Variants in EMB observed in about 807,000 individuals in gnomAD.
EMB encodes the protein embigin homolog.
In EMB, 31 loss-of-function variants were observed where a neutral mutation model predicts 41.4. The observed-to-expected ratio is 0.75, with a 90% CI of 0.56 to 1.01. EMB has a LOEUF of 1.01. EMB is among the 50% of genes least tolerant of loss of function. The pLI, the probability that EMB is intolerant of heterozygous loss-of-function variation, is 0.00. For missense variants in EMB, 379 were observed against 388.3 expected, an observed-to-expected ratio of 0.98 and a Z score of 0.20; for synonymous variants, 137 against 140.4, an observed-to-expected ratio of 0.98 and a Z score of 0.17.
chr5:50,399,430 G>A, intron 8 of EMB, 140 bp from the exon 9 acceptor site: 6 of 1,238,408 alleles, frequency 4.8e-6, no homozygotes, highest in Non-Finnish European at 6.4e-6. Flanking sequence ...CTACTCTAAT[G>A]TTGATGAACT....
intron 2 of EMB, among the ~76,000 whole-genome samples, chr5:50,416,105 C>A (rs1745426698): frequency 6.6e-6 from 1 of 152,174 alleles, no homozygotes; most frequent in African/African-American, 2.4e-5. Flanking sequence ...CAAGAAATCA[C>A]AGCATCAAAA....
intron 1 of EMB, among the ~76,000 whole-genome samples, chr5:50,429,754 G>A (rs1481787092): frequency 6.6e-6 from 1 of 151,796 alleles, no homozygotes; most frequent in East Asian, 1.9e-4. Flanking sequence ...TGATTATATA[G>A]GAAAATATGT....
At chr5:50,438,845 C>T (rs1745848595) in intron 1 of EMB, among the ~76,000 whole-genome samples, 1 of 152,026 alleles carries the variant, frequency 6.6e-6, no homozygotes, top group Non-Finnish European at 1.5e-5. Flanking sequence ...GACATCCCCT[C>T]CCCCATTCAT....
chr5:50,434,207 A>G (rs879335800), intron 1 of EMB, among the ~76,000 whole-genome samples: 1 of 152,204 alleles, frequency 6.6e-6, no homozygotes, highest in Non-Finnish European at 1.5e-5. Flanking sequence ...ACTGCTAAAC[A>G]TTTTAGGATA....
chr5:50,428,425 T>C, intron 1 of EMB, 198 bp from the exon 2 acceptor site: 1 of 1,210,680 alleles, frequency 8.3e-7, no homozygotes, highest in Non-Finnish European at 1.0e-6. Context: ...CTGATTTTTT[T>C]TCTTTTTTAA....
intron 8 of EMB, 130 bp from the exon 9 acceptor site, chr5:50,399,420 C>G: frequency 7.5e-7 from 1 of 1,332,102 alleles, no homozygotes; most frequent in Non-Finnish European, 1.0e-6. Context: ...AACAGAGCTC[C>G]TACTCTAATG....
At chr5:50,407,751 G>A (rs536205950) in intron 4 of EMB, among the ~76,000 whole-genome samples, 1 of 151,872 alleles carries the variant, frequency 6.6e-6, no homozygotes, top group Non-Finnish European at 1.5e-5. Flanking sequence ...GTGCCCTGTC[G>A]ACCTTTTAAG....
intron 2 of EMB, 43 bp downstream of exon 2, chr5:50,428,101 C>T (rs1316548767): frequency 1.4e-6 from 2 of 1,432,834 alleles, no homozygotes; most frequent in Non-Finnish European, 1.9e-6. Context: ...ATTGCTTAAA[C>T]CCTTTTTTTC....
Position 50,397,989 on chromosome 5 carries a change from A to C in EMB, c.*1284T>G, listed in dbSNP as rs1745099206. On this transcript the variant is annotated 3_prime_UTR_variant, in exon 9 of 9. Transcript: ENST00000303221. ...TTTTTCTTAGCCAATACATGGAGCA[A>C]ATTTTTATAAAGTATTTCTTGTCAA... 1.3e-5 allele frequency: 2 copies of C among 151,884 alleles called. No individual in the cohort carries two copies. The highest frequency in any genetic ancestry group is 2.4e-5 in the African/African-American group (1 of 41,374). 9.4% of individuals were successfully genotyped at this position (151,884 alleles called of 1,614,324 possible).
chr5:50,434,593 T>A (rs538596766), intron 1 of EMB, among the ~76,000 whole-genome samples: 1 of 152,198 alleles, frequency 6.6e-6, no homozygotes. Flanking sequence ...TCAAGATCAA[T>A]GAAACAAGGT....
chr5:50,430,563 C>T (rs1383815416), intron 1 of EMB, among the ~76,000 whole-genome samples: 2 of 147,980 alleles, frequency 1.4e-5, no homozygotes, highest in Admixed American at 1.4e-4. Flanking sequence ...CCTTAAAGGG[C>T]TATGTGGATC....
intron 4 of EMB, among the ~76,000 whole-genome samples, chr5:50,406,663 T>G (rs1745254259): frequency 6.6e-6 from 1 of 152,054 alleles, no homozygotes; most frequent in Non-Finnish European, 1.5e-5. Flanking sequence ...ACACTTACAC[T>G]GAAGATGTAG....
At chr5:50,434,999 C>T (rs1745781254) in intron 1 of EMB, among the ~76,000 whole-genome samples, 1 of 152,172 alleles carries the variant, frequency 6.6e-6, no homozygotes, top group African/African-American at 2.4e-5. Flanking sequence ...AGCCTCAACA[C>T]ATGTGATTTG....
chr5:50,430,408 G>A (rs1745697344), intron 1 of EMB, among the ~76,000 whole-genome samples: 1 of 152,106 alleles, frequency 6.6e-6, no homozygotes, highest in Admixed American at 6.6e-5. Flanking sequence ...ATGGTTCACA[G>A]TATCAGTAAC....
intron 4 of EMB, among the ~76,000 whole-genome samples, chr5:50,406,441 T>C (rs1745250749): frequency 6.6e-6 from 1 of 151,760 alleles, no homozygotes; most frequent in South Asian, 2.1e-4. Flanking sequence ...CTAATATCCA[T>C]TATGATAAAT....
upstream of EMB, among the ~76,000 whole-genome samples, chr5:50,442,102 C>T (rs540837434): frequency 2.6e-5 from 4 of 152,050 alleles, no homozygotes; most frequent in African/African-American, 7.3e-5. Context: ...GATGTTATAA[C>T]GCATTAAAAG....
In EMB at chr5:50,441,244, C is replaced by A; in HGVS notation, c.-93G>T. Reference sequence around the variant, plus strand: ...AGTCCCTGCGCACACTCGCAGGTGGCCCGGCGCTCGCAGCCAGTGCCGCGG... The same window carrying A: ...AGTCCCTGCGCACACTCGCAGGTGGACCGGCGCTCGCAGCCAGTGCCGCGG... On this transcript the variant is annotated 5_prime_UTR_variant, in exon 1 of 9. Coordinates refer to ENST00000303221, the MANE Select transcript of EMB (RefSeq NM_198449.3). 1.4e-6 allele frequency: 1 copy of A among 735,276 alleles called. No individual in the cohort carries two copies. Among genetic ancestry groups the A allele is most frequent in the South Asian group, 4.9e-5 (1 of 20,314 alleles). 45.5% of individuals were successfully genotyped at this position (735,276 alleles called of 1,614,324 possible).
Position 50,402,124 on chromosome 5 carries a change from C to T in EMB, c.911+162G>A, listed in dbSNP as rs190758386. Among the ~76,000 whole-genome samples, 637 of 152,014 alleles carry T rather than the reference C, an allele frequency of 4.2e-3. 2 individuals are homozygous for T. The highest frequency in any genetic ancestry group is 6.0e-3 in the African/African-American group (251 of 41,514). On this transcript the variant is annotated intron_variant, in intron 7 of 8. Transcript: ENST00000303221. Reference sequence around the variant, plus strand: ...AGTAAGTGATGAAGAAGAATTCTCACGCAGGTAGGCAGACTTGGAAAGCCA... The same window carrying T: ...AGTAAGTGATGAAGAAGAATTCTCATGCAGGTAGGCAGACTTGGAAAGCCA...
chr5:50,405,632 T>C (rs1458868135), intron 5 of EMB, 93 bp downstream of exon 5: 8 of 1,457,034 alleles, frequency 5.5e-6, no homozygotes, highest in African/African-American at 1.4e-5. Context: ...GTATAAATCA[T>C]CTTAGGAATG....
Sources: gnomAD v4.1 joint callset for allele counts (sites outside exome capture counted in the v4.1 genomes callset) on GRCh38, gnomAD v4.1.1 for gene constraint, MANE v1.5 for transcripts, NCBI Gene and HGNC (gene_info 2026-07-23, HGNC 2026-07-21) for gene names.